The following PPP1CB variants were observed in gnomAD, a reference collection of about 807,000 sequenced individuals.
PPP1CB encodes protein phosphatase 1 catalytic subunit beta, also known as serine/threonine-protein phosphatase PP1-beta catalytic subunit.
In PPP1CB, 2 loss-of-function variants were observed where a neutral mutation model predicts 43.7. The ratio of observed to expected loss-of-function variants is 0.05; its 90% confidence interval spans 0.02 to 0.14. PPP1CB has a LOEUF of 0.14. Ranked by LOEUF, PPP1CB falls within the 10% of genes least tolerant of loss-of-function variation. The probability of loss-of-function intolerance (pLI) is 1.00; values close to 1 mark genes in which losing one functional copy is unlikely to be tolerated. For synonymous variants in PPP1CB, 136 were observed against 135.6 expected (o/e 1.00, Z -0.02); for missense variants, 84 against 398.0 (o/e 0.21, Z 6.71).
chr2:28,800,153 G>A lies in PPP1CB; in HGVS notation c.*850G>A, dbSNP rs1667578925. On this transcript the variant is annotated 3_prime_UTR_variant, in exon 8 of 8. Coordinates refer to ENST00000395366, the MANE Select transcript of PPP1CB (RefSeq NM_002709.3). Reference sequence around the variant, plus strand: ...CTTGGCTTTAGGTTTTCATTCGCACGGAACACCTTTTGGCATGCTTAACTT... The same window carrying A: ...CTTGGCTTTAGGTTTTCATTCGCACAGAACACCTTTTGGCATGCTTAACTT... The A allele has an allele frequency of 6.6e-6, 1 of 151,708 alleles. No individual in the cohort carries two copies. The highest frequency in any genetic ancestry group is 2.1e-4 in the South Asian group (1 of 4,786). The allele number at this position is 151,708 out of a possible 1,614,324, so 9.4% of individuals were successfully genotyped here. A position where few individuals can be genotyped will look rare whatever the true frequency, so the allele number is the denominator to read the frequency against.
chr2:28,766,805 G>A (rs927601341), intron 1 of PPP1CB, among the ~76,000 whole-genome samples: 1 of 152,170 alleles, frequency 6.6e-6, no homozygotes, highest in African/African-American at 2.4e-5. Flanking sequence ...TGTCTCAGCT[G>A]GGGTGGTGGC....
At chr2:28,777,458 A>G (rs1161880878) in intron 2 of PPP1CB, among the ~76,000 whole-genome samples, 1 of 152,232 alleles carries the variant, frequency 6.6e-6, no homozygotes, top group Non-Finnish European at 1.5e-5. Context: ...AGAAAAAAAT[A>G]GGTGTATAAT....
At chr2:28,773,222 A>G (rs562299454) in intron 1 of PPP1CB, among the ~76,000 whole-genome samples, 1 of 152,228 alleles carries the variant, frequency 6.6e-6, no homozygotes, top group Non-Finnish European at 1.5e-5. Flanking sequence ...AACAGTAGTA[A>G]GTATGGTAGA....
chr2:28,785,563 A>G (rs2148054617), intron 5 of PPP1CB, among the ~76,000 whole-genome samples: 1 of 152,098 alleles, frequency 6.6e-6, no homozygotes, highest in Admixed American at 6.6e-5. Flanking sequence ...TGTAATTCCA[A>G]CAGTTTGGGA....
intron 1 of PPP1CB, among the ~76,000 whole-genome samples, chr2:28,754,851 C>G (rs1273355456): frequency 6.6e-6 from 1 of 152,142 alleles, no homozygotes; most frequent in African/African-American, 2.4e-5. Flanking sequence ...AAGAATTTCT[C>G]TGCATTAGGG....
At chr2:28,796,942 T>C (rs932398994) in intron 7 of PPP1CB, among the ~76,000 whole-genome samples, 2 of 152,126 alleles carry the variant, frequency 1.3e-5, no homozygotes, top group Admixed American at 6.6e-5. Flanking sequence ...TTTTGAGGTA[T>C]GTTCCTAATT....
chr2:28,797,841 T>C (rs184937479), intron 7 of PPP1CB, among the ~76,000 whole-genome samples: 3 of 152,312 alleles, frequency 2.0e-5, no homozygotes, highest in Admixed American at 6.5e-5. Flanking sequence ...AAATCATTCT[T>C]GTTCACTGAG....
At chr2:28,788,539 T>C (rs1667321222) in intron 5 of PPP1CB, 119 bp from the exon 6 acceptor site, 1 of 1,067,704 alleles carries the variant, frequency 9.4e-7, no homozygotes, top group Non-Finnish European at 1.4e-6. Context: ...AGGCAAGTGA[T>C]GGTCATTGTT....
At chr2:28,777,442 C>G (rs1053694695) in intron 2 of PPP1CB, among the ~76,000 whole-genome samples, 7 of 152,090 alleles carry the variant, frequency 4.6e-5, no homozygotes, top group African/African-American at 1.2e-4. Flanking sequence ...TCATAGTACA[C>G]TGGTTAGAAA....
chr2:28,764,240 CA>C (rs1220247268), intron 1 of PPP1CB, among the ~76,000 whole-genome samples: 2 of 151,834 alleles, frequency 1.3e-5, no homozygotes, highest in East Asian at 3.9e-4. Context: ...GCAGGCGGAT[CA>C]CGAGGTCAGG....
intron 5 of PPP1CB, 65 bp downstream of exon 5, chr2:28,784,043 T>A: frequency 1.6e-6 from 2 of 1,238,322 alleles, no homozygotes; most frequent in Non-Finnish European, 2.4e-6. Flanking sequence ...TTGATTACAT[T>A]TAGTGGAAGT....
chr2:28,774,191 T>C (rs932751967), intron 1 of PPP1CB, among the ~76,000 whole-genome samples: 4 of 152,334 alleles, frequency 2.6e-5, no homozygotes, highest in East Asian at 1.9e-4. Flanking sequence ...CCACTGTCAT[T>C]TGAATATTTT....
chr2:28,795,319 C>CT (rs1414477214), intron 7 of PPP1CB, among the ~76,000 whole-genome samples: 1 of 151,928 alleles, frequency 6.6e-6, no homozygotes, highest in Non-Finnish European at 1.5e-5. Flanking sequence ...AAGTGCTTGT[C>CT]TTTTTTTGTA....
intron 1 of PPP1CB, among the ~76,000 whole-genome samples, chr2:28,763,239 T>A (rs1355216745): frequency 1.3e-5 from 2 of 152,228 alleles, no homozygotes; most frequent in African/African-American, 4.8e-5. Context: ...ATTCAAAGAT[T>A]GAAGTTTAAT....
intron 1 of PPP1CB, among the ~76,000 whole-genome samples, chr2:28,758,350 A>G (rs1666537678): frequency 6.6e-6 from 1 of 152,236 alleles, no homozygotes; most frequent in Non-Finnish European, 1.5e-5. Flanking sequence ...TCTTAGAAAT[A>G]CTGACTTAAA....
intron 1 of PPP1CB, among the ~76,000 whole-genome samples, chr2:28,763,007 T>G (rs959488683): frequency 6.6e-6 from 1 of 152,236 alleles, no homozygotes; most frequent in African/African-American, 2.4e-5. Flanking sequence ...GTCACTTTGT[T>G]CATGTTCACG....
At position 28,801,931 on chromosome 2, in the gene PPP1CB, A is replaced by G. The variant is rs1667626707; in HGVS notation, c.*2628A>G. ...TGCCCAGGGACAAATTTTAATAATCAGCAAGACTGGTTTGTGCAAAGCGTT... is the reference window on the plus strand; with the variant it reads ...TGCCCAGGGACAAATTTTAATAATCGGCAAGACTGGTTTGTGCAAAGCGTT... On this transcript the variant is annotated 3_prime_UTR_variant, in exon 8 of 8. Coordinates refer to ENST00000395366, the MANE Select transcript of PPP1CB (RefSeq NM_002709.3). The G allele has an allele frequency of 6.6e-6, 1 of 152,230 alleles. No individual in the cohort carries two copies. The highest frequency in any genetic ancestry group is 1.5e-5 in the Non-Finnish European group (1 of 68,028). The allele number at this position is 152,230 out of a possible 1,614,324, so 9.4% of individuals were successfully genotyped here.
chr2:28,781,277 A>G (rs545027519), intron 3 of PPP1CB, among the ~76,000 whole-genome samples: 2 of 152,294 alleles, frequency 1.3e-5, no homozygotes, highest in East Asian at 1.9e-4. Flanking sequence ...TGAAGTATAT[A>G]TACATTGCAG....
rs1419764397 is a variant in PPP1CB, at chr2:28,800,795, A to G, written c.*1492A>G. On this transcript the variant is annotated 3_prime_UTR_variant, in exon 8 of 8. Transcript: ENST00000395366. ...GACATCATATCTATAATGCCCTTCT[A>G]TATGTGCTACCATAGATGTGACATT... The G allele has an allele frequency of 2.0e-5, 3 of 152,498 alleles. No homozygotes were observed. The highest frequency in any genetic ancestry group is 6.6e-5 in the Admixed American group (1 of 15,266). 9.4% of individuals were successfully genotyped at this position (152,498 alleles called of 1,614,324 possible).
Sources: allele counts gnomAD v4.1 joint callset (sites outside exome capture counted in the v4.1 genomes callset), GRCh38; gene constraint gnomAD v4.1.1; transcripts MANE v1.5; gene names NCBI Gene and HGNC (gene_info 2026-07-23, HGNC 2026-07-21).